ANXA8: variants seen among roughly 807,000 people sequenced by gnomAD.
ANXA8 encodes the protein VAC-beta.
In ANXA8, 9 loss-of-function variants were observed where a neutral mutation model predicts 26.8. The ratio of observed to expected loss-of-function variants is 0.34; its 90% CI spans 0.20 to 0.59. The LOEUF (loss-of-function observed/expected upper bound fraction) is 0.59, where lower values mean the gene tolerates loss of function less well. Among genes scored for constraint, ANXA8 ranks in the 20% least tolerant of loss-of-function variants. ANXA8 has a pLI of 0.84. For synonymous variants in ANXA8, 39 were observed against 94.8 expected, an observed-to-expected ratio of 0.41 and a Z score of 3.42; for missense variants, 83 against 238.5, an observed-to-expected ratio of 0.35 and a Z score of 4.29.
intron 7 of ANXA8, 146 bp from the exon 8 acceptor site, chr10:47,474,544 G>A: frequency 3.6e-6 from 2 of 557,026 alleles, no homozygotes; most frequent in South Asian, 2.0e-5. Context: ...TCTCTGACAG[G>A]GAGCTCCCCT....
At chr10:47,680,712 A>T in the ANXA8 span, among the ~76,000 whole-genome samples, 53 of 152,226 alleles carry the variant, frequency 3.5e-4, no homozygotes, top group African/African-American at 1.3e-3. Context: ...ATTAAAAAAA[A>T]ATTCTCTTGT....
the ANXA8 span, among the ~76,000 whole-genome samples, chr10:47,969,164 G>A: frequency 6.6e-6 from 1 of 151,104 alleles, no homozygotes; most frequent in East Asian, 1.9e-4. Flanking sequence ...GTGGTGGTGA[G>A]AAAGGCAGCT....
chr10:47,717,771 G>A, the ANXA8 span, among the ~76,000 whole-genome samples: 1 of 150,944 alleles, frequency 6.6e-6, no homozygotes, highest in Non-Finnish European at 1.5e-5. Context: ...GCCGAGGTGG[G>A]TGGATCATTT....
chr10:47,710,328 A>C, the ANXA8 span: 115 of 1,128,420 alleles, frequency 1.0e-4, no homozygotes, highest in African/African-American at 4.8e-4. Flanking sequence ...GAGGGTGAAC[A>C]GTATAGACTT....
the ANXA8 span, among the ~76,000 whole-genome samples, chr10:47,595,706 T>A: frequency 6.7e-6 from 1 of 149,324 alleles, no homozygotes; most frequent in Non-Finnish European, 1.5e-5. Context: ...TCAATAAGAA[T>A]AATTAACTAT....
chr10:47,674,529 G>A, the ANXA8 span, among the ~76,000 whole-genome samples: 1 of 151,634 alleles, frequency 6.6e-6, no homozygotes, highest in South Asian at 2.1e-4. Flanking sequence ...TAGTGTTTGT[G>A]TATTTCTTTA....
At chr10:47,502,806 C>T in the ANXA8 span, 16 of 1,591,288 alleles carry the variant, frequency 1.0e-5, no homozygotes, top group Admixed American at 1.2e-4. Flanking sequence ...TGGCCAGGAT[C>T]TGGCTCTGGA....
chr10:47,980,228 T>G, the ANXA8 span, among the ~76,000 whole-genome samples: 1 of 151,450 alleles, frequency 6.6e-6, no homozygotes, highest in African/African-American at 2.4e-5. Context: ...TTGAAATGAA[T>G]GAAAATAAAA....
At chr10:47,540,430 C>G in the ANXA8 span, among the ~76,000 whole-genome samples, 2 of 125,272 alleles carry the variant, frequency 1.6e-5, no homozygotes, top group African/African-American at 5.8e-5. Flanking sequence ...AAGGAATAAC[C>G]CTTAAAAAAA....
the ANXA8 span, among the ~76,000 whole-genome samples, chr10:47,767,066 G>A: frequency 7.4e-6 from 1 of 135,732 alleles, no homozygotes; most frequent in African/African-American, 2.8e-5. Flanking sequence ...TTAACCTTAA[G>A]AATCATCCCT....
the ANXA8 span, among the ~76,000 whole-genome samples, chr10:47,593,245 G>T: frequency 6.7e-6 from 1 of 148,942 alleles, no homozygotes; most frequent in East Asian, 1.9e-4. Flanking sequence ...TCCTCAGTGT[G>T]GACCATCCCT....
chr10:47,959,498 G>T, the ANXA8 span, among the ~76,000 whole-genome samples: 1 of 149,122 alleles, frequency 6.7e-6, no homozygotes, highest in Middle Eastern at 3.4e-3. Flanking sequence ...GGGCCAACTA[G>T]GGTCCATTGT....
the ANXA8 span, among the ~76,000 whole-genome samples, chr10:47,688,273 T>G: frequency 3.4e-5 from 5 of 147,408 alleles, no homozygotes; most frequent in South Asian, 2.2e-4. Flanking sequence ...TTTAAGAAAT[T>G]TTTTAGTTTT....
the ANXA8 span, chr10:47,491,776 T>C: frequency 6.7e-7 from 1 of 1,501,128 alleles, no homozygotes; most frequent in South Asian, 1.2e-5. Context: ...CAATAAGCCC[T>C]CACCCCAGCC....
At chr10:47,631,043 C>T in the ANXA8 span, among the ~76,000 whole-genome samples, 3 of 149,972 alleles carry the variant, frequency 2.0e-5, no homozygotes, top group Admixed American at 6.6e-5. Flanking sequence ...AACTAGCTGC[C>T]TTACTTAATG....
chr10:47,969,692 T>C, the ANXA8 span, among the ~76,000 whole-genome samples: 2,640 of 148,050 alleles, frequency 0.018, 50 homozygotes, highest in African/African-American at 0.062. Context: ...GCCTGTCTAA[T>C]ATTGCCACAC....
chr10:47,586,624 C>A, the ANXA8 span, among the ~76,000 whole-genome samples: 1 of 145,944 alleles, frequency 6.9e-6, no homozygotes, highest in South Asian at 2.1e-4. Flanking sequence ...TCCACTTTTT[C>A]TGGTGCCTTC....
chr10:47,636,456 C>T, the ANXA8 span, among the ~76,000 whole-genome samples: 4 of 145,128 alleles, frequency 2.8e-5, no homozygotes, highest in Non-Finnish European at 4.5e-5. Flanking sequence ...GGGACAGAAA[C>T]TTCTGTTGTT....
chr10:47,481,452 GT>G (rs1839792475), intron 1 of ANXA8, among the ~76,000 whole-genome samples: 1 of 138,954 alleles, frequency 7.2e-6, no homozygotes, highest in Admixed American at 7.3e-5. Flanking sequence ...GACAATGAGT[GT>G]TCCTGGAACG....
Sources: gnomAD v4.1 joint callset for allele counts (sites outside exome capture counted in the v4.1 genomes callset) on GRCh38, gnomAD v4.1.1 for gene constraint, MANE v1.5 for transcripts, NCBI Gene and HGNC (gene_info 2026-07-23, HGNC 2026-07-21) for gene names.